The following DOK6 variants were observed in gnomAD, a reference collection of about 807,000 sequenced individuals.
DOK6 encodes the protein downstream of tyrosine kinase 6.
In DOK6, 22 loss-of-function variants were observed where a neutral mutation model predicts 44.0. That is an observed-to-expected ratio of 0.50 (90% CI 0.36 to 0.71). The LOEUF (loss-of-function observed/expected upper bound fraction) is 0.71. Among genes scored for constraint, DOK6 ranks in the 30% least tolerant of loss-of-function variants. The probability of loss-of-function intolerance (pLI) is 0.00; values close to 1 mark genes in which losing one functional copy is unlikely to be tolerated. For missense variants in DOK6, 340 were observed against 416.4 expected (o/e 0.82, Z 1.60); for synonymous variants, 166 against 145.5 (o/e 1.14, Z -1.01).
At chr18:69,707,452 CT>C (rs1169575000) in intron 5 of DOK6, among the ~76,000 whole-genome samples, 1 of 152,246 alleles carries the variant, frequency 6.6e-6, no homozygotes, top group Non-Finnish European at 1.5e-5. Context: ...ATTCTCCCAG[CT>C]TGCTTACTAG....
At chr18:69,817,433 G>C (rs1001903053) in intron 7 of DOK6, among the ~76,000 whole-genome samples, 7 of 152,066 alleles carry the variant, frequency 4.6e-5, no homozygotes, top group African/African-American at 1.7e-4. Flanking sequence ...CCACAGACTG[G>C]GTGGTGTAAA....
At chr18:69,587,163 A>G (rs1983522637) in intron 2 of DOK6, among the ~76,000 whole-genome samples, 2 of 152,294 alleles carry the variant, frequency 1.3e-5, no homozygotes, top group South Asian at 4.1e-4. Flanking sequence ...CTCACAAATT[A>G]CCAAAAACTT....
At chr18:69,728,703 G>C (rs1350995452) in intron 5 of DOK6, among the ~76,000 whole-genome samples, 1 of 151,802 alleles carries the variant, frequency 6.6e-6, no homozygotes, top group African/African-American at 2.4e-5. Flanking sequence ...GTCTGCAGCT[G>C]TTTGTGGAAG....
intron 7 of DOK6, among the ~76,000 whole-genome samples, chr18:69,802,606 G>A (rs1487619630): frequency 1.3e-5 from 2 of 152,144 alleles, no homozygotes; most frequent in African/African-American, 4.8e-5. Context: ...TCCTAGTGCT[G>A]TCATCACCGT....
At chr18:69,572,395 T>G (rs541785769) in intron 2 of DOK6, among the ~76,000 whole-genome samples, 2 of 152,158 alleles carry the variant, frequency 1.3e-5, no homozygotes, top group African/African-American at 4.8e-5. Context: ...TGGGTAAAAA[T>G]CATAAGCTTT....
chr18:69,793,447 AC>A (rs1451676246), intron 7 of DOK6, among the ~76,000 whole-genome samples: 2 of 152,150 alleles, frequency 1.3e-5, no homozygotes, highest in African/African-American at 4.8e-5. Context: ...TGATTACCGC[AC>A]CAGAGTTTCA....
At chr18:69,530,389 A>G (rs529320548) in intron 1 of DOK6, among the ~76,000 whole-genome samples, 44 of 152,290 alleles carry the variant, frequency 2.9e-4, no homozygotes, top group Admixed American at 1.2e-3. Context: ...CAAAAATGGC[A>G]TCTACATCTA....
intron 2 of DOK6, among the ~76,000 whole-genome samples, chr18:69,566,101 G>A (rs1253775869): frequency 6.7e-6 from 1 of 149,486 alleles, no homozygotes; most frequent in Non-Finnish European, 1.5e-5. Context: ...TCTCTAGCCA[G>A]TACAGCTCGG....
Position 69,694,016 on chromosome 18 carries a change from G to A in DOK6, c.410-4388G>A, listed in dbSNP as rs570848713. ...GGAGCTTGCAGCGAGCCGAGATCCC[G>A]CCACCGCACTCCAGCCTGGGCGACA... On this transcript the variant is annotated intron_variant, in intron 4 of 7. Coordinates refer to ENST00000382713, the MANE Select transcript of DOK6 (RefSeq NM_152721.6). 1.0e-3 allele frequency among the ~76,000 whole-genome samples: 123 copies of A among 121,002 alleles called. No homozygotes were observed. In the East Asian group the frequency reaches 0.029, roughly 29 times the overall value. The allele number at this position is 121,002 out of a possible 152,430, so 79.4% of individuals were successfully genotyped here.
rs539873860 is a variant in DOK6 at position 69,651,057 on chromosome 18, A to G, written c.290-26677A>G. Among the ~76,000 whole-genome samples the G allele has an allele frequency of 4.6e-5, 7 of 152,316 alleles. 1 individual carries two copies. The highest frequency in any genetic ancestry group is 3.3e-4 in the Admixed American group (5 of 15,300). ...CTGTATGTGGAGAGATGTAGAAGGC[A>G]TATTGTTGGTAAGCAAAAGGACTCT... On this transcript the variant is annotated intron_variant, in intron 3 of 7. Coordinates refer to ENST00000382713, the MANE Select transcript of DOK6 (RefSeq NM_152721.6).
At chr18:69,753,905 T>G (rs1217409843) in intron 6 of DOK6, among the ~76,000 whole-genome samples, 1 of 152,150 alleles carries the variant, frequency 6.6e-6, no homozygotes, top group Non-Finnish European at 1.5e-5. Context: ...CAAACACATG[T>G]ATCCATCTTG....
chr18:69,785,114 G>T (rs1241603698), intron 7 of DOK6, among the ~76,000 whole-genome samples: 1 of 152,144 alleles, frequency 6.6e-6, no homozygotes, highest in South Asian at 2.1e-4. Context: ...ACATAATTCA[G>T]CAAATGCTTC....
chr18:69,499,515 T>G (rs1326609203), intron 1 of DOK6, among the ~76,000 whole-genome samples: 1 of 152,154 alleles, frequency 6.6e-6, no homozygotes, highest in Non-Finnish European at 1.5e-5. Context: ...GTTTTAAAAT[T>G]TTACTCCCCA....
At chr18:69,663,963 T>C (rs1985592810) in intron 3 of DOK6, among the ~76,000 whole-genome samples, 1 of 152,224 alleles carries the variant, frequency 6.6e-6, no homozygotes, top group South Asian at 2.1e-4. Context: ...AATACACTCC[T>C]AATTTATCTC....
At chr18:69,502,403 A>G (rs1372377578) in intron 1 of DOK6, among the ~76,000 whole-genome samples, 1 of 152,072 alleles carries the variant, frequency 6.6e-6, no homozygotes, top group Non-Finnish European at 1.5e-5. Flanking sequence ...TAATATATTA[A>G]AAGTCGAGAA....
intron 4 of DOK6, among the ~76,000 whole-genome samples, chr18:69,681,527 A>G (rs1986044425): frequency 6.6e-6 from 1 of 152,052 alleles, no homozygotes; most frequent in Admixed American, 6.6e-5. Flanking sequence ...CATGAACACA[A>G]GTTCACATGC....
At chr18:69,572,657 A>G (rs998304570) in intron 2 of DOK6, among the ~76,000 whole-genome samples, 3 of 152,054 alleles carry the variant, frequency 2.0e-5, no homozygotes, top group African/African-American at 7.2e-5. Context: ...AAAAAGGAAC[A>G]GCATAGAAAT....
At chr18:69,809,878 G>A (rs530905443) in intron 7 of DOK6, among the ~76,000 whole-genome samples, 1 of 151,978 alleles carries the variant, frequency 6.6e-6, no homozygotes, top group African/African-American at 2.4e-5. Context: ...TGGATTGGAG[G>A]AATTAATATT....
rs181217420 is a variant in DOK6 at position 69,680,235 on chromosome 18, C to G, written c.409+2382C>G. On this transcript the variant is annotated intron_variant, in intron 4 of 7. Transcript: ENST00000382713. The stretch of plus-strand genomic sequence containing the variant: ...GAAATTTGCAACTTTAGTACACATG[C>G]TGGGAGACAGACACGTACTCACTAA... Among the ~76,000 whole-genome samples, 58 of 152,290 alleles carry G rather than the reference C, an allele frequency of 3.8e-4. 2 individuals are homozygous for G. Among genetic ancestry groups the G allele is most frequent in the African/African-American group, 1.4e-3 (57 of 41,554 alleles).
Sources: allele counts gnomAD v4.1 joint callset (sites outside exome capture counted in the v4.1 genomes callset), GRCh38; gene constraint gnomAD v4.1.1; transcripts MANE v1.5; gene names NCBI Gene and HGNC (gene_info 2026-07-23, HGNC 2026-07-21).